The following PRR16 variants were observed in gnomAD, a reference collection of about 807,000 sequenced individuals.
PRR16 encodes the protein proline rich 16.
In PRR16, 6 loss-of-function variants were observed where a neutral mutation model predicts 18.2. The observed-to-expected ratio is 0.33, with a 90% confidence interval of 0.18 to 0.65. PRR16 has a LOEUF of 0.65. Ranked by LOEUF, PRR16 falls within the 30% of genes least tolerant of loss-of-function variation. The probability of loss-of-function intolerance (pLI) is 0.74; values close to 1 mark genes in which losing one functional copy is unlikely to be tolerated. For synonymous variants in PRR16, 151 were observed against 147.8 expected (o/e 1.02, Z -0.16); for missense variants, 412 against 376.6 (o/e 1.09, Z -0.78).
intron 1 of PRR16, among the ~76,000 whole-genome samples, chr5:120,558,290 C>A (rs1752477642): frequency 6.6e-6 from 1 of 151,838 alleles, no homozygotes; most frequent in Non-Finnish European, 1.5e-5. Context: ...CTACCCACTA[C>A]TCTTCCCCAA....
the PRR16 span, among the ~76,000 whole-genome samples, chr5:120,739,902 C>T: frequency 6.6e-6 from 1 of 152,022 alleles, no homozygotes; most frequent in Non-Finnish European, 1.5e-5. Context: ...TACTGAAATA[C>T]TAAAACATAT....
chr5:120,532,919 A>G (rs1443984216), intron 1 of PRR16, among the ~76,000 whole-genome samples: 2 of 152,208 alleles, frequency 1.3e-5, no homozygotes, highest in Non-Finnish European at 2.9e-5. Flanking sequence ...GAATAGAATG[A>G]GTGGACCTGG....
At position 120,478,807 on chromosome 5, in the gene PRR16, A is replaced by C. The variant is rs1749521204; in HGVS notation, c.159+14162A>C. Among the ~76,000 whole-genome samples, 4 of 152,140 alleles carry C rather than the reference A, an allele frequency of 2.6e-5. No individual in the cohort carries two copies. The South Asian group carries it at 8.3e-4, about 31-fold the overall frequency. On this transcript the variant is annotated intron_variant, in intron 1 of 1. Coordinates refer to ENST00000407149, the MANE Select transcript of PRR16 (RefSeq NM_001300783.2). ...GAATATATAAACTAAAATGGGGAGAAAGCATGTCTACTTTTTACAACCTTC... is the reference window on the plus strand; with the variant it reads ...GAATATATAAACTAAAATGGGGAGACAGCATGTCTACTTTTTACAACCTTC...
intron 1 of PRR16, among the ~76,000 whole-genome samples, chr5:120,555,807 T>A (rs149788330): frequency 0.014 from 1,986 of 145,162 alleles, 52 homozygotes; most frequent in African/African-American, 0.048. Flanking sequence ...AAAGGTTTTT[T>A]TTTTTTTTAT....
At chr5:120,706,034 C>T in the PRR16 span, among the ~76,000 whole-genome samples, 3 of 152,148 alleles carry the variant, frequency 2.0e-5, no homozygotes, top group Admixed American at 6.5e-5. Flanking sequence ...AGTTCGGAGA[C>T]ATGTAATCTA....
chr5:120,754,281 TAAATA>T, the PRR16 span, among the ~76,000 whole-genome samples: 1 of 39,782 alleles, frequency 2.5e-5, no homozygotes, highest in African/African-American at 9.7e-5. Flanking sequence ...AAATAATATA[TAAATA>T]TATAATATAT....
chr5:120,731,665 CTT>C, the PRR16 span, among the ~76,000 whole-genome samples: 1 of 152,138 alleles, frequency 6.6e-6, no homozygotes. Flanking sequence ...TAGTAGGACT[CTT>C]TTTTGTGCCC....
At position 120,626,856 on chromosome 5, in the gene PRR16, G is replaced by A. The variant is rs1754882069; in HGVS notation, c.160-59098G>A. Among the ~76,000 whole-genome samples, 3 of 152,080 alleles carry A rather than the reference G, an allele frequency of 2.0e-5. No individual in the cohort carries two copies. In the South Asian group the frequency reaches 6.2e-4, roughly 32 times the overall value. ...TAGGAATCTTATTTATTTAGAATTT[G>A]ATACTGACCTTATTTCTCTTGGATA... On this transcript the variant is annotated intron_variant, in intron 1 of 1. Transcript: ENST00000407149.
At chr5:120,490,032 G>A (rs1392766926) in intron 1 of PRR16, among the ~76,000 whole-genome samples, 2 of 152,162 alleles carry the variant, frequency 1.3e-5, no homozygotes, top group African/African-American at 2.4e-5. Flanking sequence ...CTGTTAGTCT[G>A]ATGGGCTTCC....
chr5:120,618,863 C>A lies in PRR16; in HGVS notation c.160-67091C>A, dbSNP rs577187031. Among the ~76,000 whole-genome samples, 186 of 151,802 alleles carry A rather than the reference C, an allele frequency of 1.2e-3. 1 individual carries two copies. The Middle Eastern group carries it at 0.041, about 33-fold the overall frequency. On this transcript the variant is annotated intron_variant, in intron 1 of 1. Transcript: ENST00000407149. ...ACTTATTCAACTTGAATTCCTGAGACCTTATTCAATGGAATTCATAAGACG... is the reference window on the plus strand; with the variant it reads ...ACTTATTCAACTTGAATTCCTGAGAACTTATTCAATGGAATTCATAAGACG...
chr5:120,467,888 G>A (rs568129994), intron 1 of PRR16, among the ~76,000 whole-genome samples: 1 of 152,044 alleles, frequency 6.6e-6, no homozygotes, highest in Non-Finnish European at 1.5e-5. Context: ...ATATAATTCA[G>A]TATACTTATT....
chr5:120,751,121 T>TA, the PRR16 span, among the ~76,000 whole-genome samples: 1 of 152,166 alleles, frequency 6.6e-6, no homozygotes, highest in Middle Eastern at 3.2e-3. Flanking sequence ...GAGAGTTCAT[T>TA]AATGTCATTT....
chr5:120,645,895 A>C (rs969325793), intron 1 of PRR16, among the ~76,000 whole-genome samples: 2 of 151,820 alleles, frequency 1.3e-5, no homozygotes, highest in Admixed American at 6.6e-5. Flanking sequence ...AAACAGAGGA[A>C]ATCCTTCCCT....
chr5:120,737,755 G>A, the PRR16 span, among the ~76,000 whole-genome samples: 10 of 151,588 alleles, frequency 6.6e-5, no homozygotes, highest in Non-Finnish European at 1.0e-4. Flanking sequence ...TGTTTTGTTG[G>A]TTTGTTTGGA....
chr5:120,483,447 A>G (rs892864449), intron 1 of PRR16, among the ~76,000 whole-genome samples: 30 of 13,588 alleles, frequency 2.2e-3, no homozygotes, highest in Non-Finnish European at 7.6e-3. Context: ...GATAGGTTCA[A>G]CATACATACA....
chr5:120,733,704 C>A, the PRR16 span, among the ~76,000 whole-genome samples: 1 of 152,096 alleles, frequency 6.6e-6, no homozygotes, highest in Non-Finnish European at 1.5e-5. Flanking sequence ...AATACAGAAC[C>A]TTTAGAATCC....
chr5:120,711,676 C>A, the PRR16 span, among the ~76,000 whole-genome samples: 2 of 152,174 alleles, frequency 1.3e-5, no homozygotes, highest in African/African-American at 2.4e-5. Flanking sequence ...CTGCCTGAAG[C>A]TGTGCTGTAC....
the PRR16 span, among the ~76,000 whole-genome samples, chr5:120,731,801 A>T: frequency 6.6e-6 from 1 of 152,214 alleles, no homozygotes; most frequent in African/African-American, 2.4e-5. Context: ...ATGCTCACTC[A>T]TTTAGAACAT....
At chr5:120,752,634 C>T in the PRR16 span, among the ~76,000 whole-genome samples, 1 of 151,852 alleles carries the variant, frequency 6.6e-6, no homozygotes, top group African/African-American at 2.4e-5. Flanking sequence ...CTTCTATATT[C>T]CTAGATTGTG....
Sources: gnomAD v4.1 joint callset for allele counts (sites outside exome capture counted in the v4.1 genomes callset) on GRCh38, gnomAD v4.1.1 for gene constraint, MANE v1.5 for transcripts, NCBI Gene and HGNC (gene_info 2026-07-23, HGNC 2026-07-21) for gene names.